DLGAP2: variants seen among roughly 807,000 people sequenced by gnomAD.
The protein encoded by DLGAP2 is DLG associated protein 2.
Under a neutral mutation model 100.3 loss-of-function variants are expected in DLGAP2, and 26 were observed. That is an observed-to-expected ratio of 0.26 (90% confidence interval 0.19 to 0.36). The LOEUF (loss-of-function observed/expected upper bound fraction) is 0.36, where lower values mean the gene tolerates loss of function less well. DLGAP2 is among the 10% of genes least tolerant of loss of function. The pLI is 1.00. For synonymous variants in DLGAP2, 886 were observed against 630.1 expected (o/e 1.41, Z -6.08); for missense variants, 1,858 against 1,453.2 (o/e 1.28, Z -4.53).
chr8:1,144,316 G>A (rs76572505), intron 2 of DLGAP2, among the ~76,000 whole-genome samples: 1 of 152,208 alleles, frequency 6.6e-6, no homozygotes, highest in Admixed American at 6.5e-5. Flanking sequence ...CAAATCAGGA[G>A]GTAAAATTAC....
At chr8:1,303,052 CCA>C (rs1336098947) in intron 3 of DLGAP2, among the ~76,000 whole-genome samples, 2 of 152,172 alleles carry the variant, frequency 1.3e-5, no homozygotes, top group African/African-American at 4.8e-5. Context: ...TTCCTGGACT[CCA>C]CCTCGCAGGG....
rs188911669 is a variant in DLGAP2 at position 1,190,888 on chromosome 8, T to C, written c.74-67963T>C. On this transcript the variant is annotated intron_variant, in intron 2 of 14. Coordinates refer to ENST00000637795, the MANE Select transcript of DLGAP2 (RefSeq NM_001346810.2). ...AAGCGTGGGGTCTGTGGCCGTTCAG[T>C]GCACGGGGCGTGTTTATGCACCATG... Among the ~76,000 whole-genome samples, 55 of 152,214 alleles carry C rather than the reference T, an allele frequency of 3.6e-4. No individual in the cohort carries two copies. The East Asian group carries it at 1.0e-2, about 28-fold the overall frequency.
intron 2 of DLGAP2, among the ~76,000 whole-genome samples, chr8:1,089,211 C>T (rs1386520566): frequency 6.6e-6 from 1 of 152,236 alleles, no homozygotes; most frequent in African/African-American, 2.4e-5. Context: ...ATTGCTCTGG[C>T]CATAGTAGCT....
At chr8:1,676,063 T>C (rs1442619741) in intron 10 of DLGAP2, among the ~76,000 whole-genome samples, 1 of 152,228 alleles carries the variant, frequency 6.6e-6, no homozygotes, top group African/African-American at 2.4e-5. Flanking sequence ...AGTTTGCCTC[T>C]GTTTCTGATC....
chr8:1,536,863 GC>G (rs1201673444), intron 4 of DLGAP2, among the ~76,000 whole-genome samples: 1 of 152,100 alleles, frequency 6.6e-6, no homozygotes, highest in Non-Finnish European at 1.5e-5. Flanking sequence ...CGCTGGCCAG[GC>G]CCAGGAGGCG....
chr8:1,306,229 A>G (rs1032673135), intron 3 of DLGAP2, among the ~76,000 whole-genome samples: 10 of 152,162 alleles, frequency 6.6e-5, no homozygotes, highest in Non-Finnish European at 1.3e-4. Flanking sequence ...GGTATAAAAA[A>G]GGATTCAGCA....
chr8:1,468,590 C>T (rs1255896741), intron 3 of DLGAP2, among the ~76,000 whole-genome samples: 1 of 152,350 alleles, frequency 6.6e-6, no homozygotes, highest in Non-Finnish European at 1.5e-5. Flanking sequence ...GTCAGGACCC[C>T]GGCATCCCTC....
intron 2 of DLGAP2, among the ~76,000 whole-genome samples, chr8:1,138,880 T>C (rs1408660712): frequency 6.6e-6 from 1 of 151,966 alleles, no homozygotes; most frequent in Non-Finnish European, 1.5e-5. Context: ...TTACTAGTCC[T>C]GGCCTGTGCG....
intron 3 of DLGAP2, among the ~76,000 whole-genome samples, chr8:1,439,251 C>G (rs972612576): frequency 2.6e-5 from 4 of 152,142 alleles, no homozygotes; most frequent in Non-Finnish European, 4.4e-5. Flanking sequence ...CTGAACAGCA[C>G]GTGGCAGCCG....
Position 844,652 on chromosome 8 carries a change from A to G in DLGAP2, c.19-63260A>G, listed in dbSNP as rs554998844. Reference sequence around the variant, plus strand: ...ACTATGGGGACTCCAAACCACATGGATTAGTTTTGCTTGTATTTCAACCTC... The same window carrying G: ...ACTATGGGGACTCCAAACCACATGGGTTAGTTTTGCTTGTATTTCAACCTC... On this transcript the variant is annotated intron_variant, in intron 1 of 14. Coordinates refer to ENST00000637795, the MANE Select transcript of DLGAP2 (RefSeq NM_001346810.2). Among the ~76,000 whole-genome samples, 69 of 152,324 alleles carry G rather than the reference A, an allele frequency of 4.5e-4. 1 individual carries two copies. In the South Asian group the frequency reaches 5.6e-3, roughly 12 times the overall value.
At chr8:786,271 G>A (rs1179163120) in intron 1 of DLGAP2, among the ~76,000 whole-genome samples, 2 of 152,136 alleles carry the variant, frequency 1.3e-5, no homozygotes, top group East Asian at 3.9e-4. Flanking sequence ...CCTGCAGAGA[G>A]GGTGCAGTTG....
At chr8:832,839 T>C (rs76744920) in intron 1 of DLGAP2, among the ~76,000 whole-genome samples, 1 of 152,142 alleles carries the variant, frequency 6.6e-6, no homozygotes, top group Non-Finnish European at 1.5e-5. Context: ...GCGAAGACAC[T>C]GTGGGATCAA....
At chr8:1,223,684 C>T (rs948189620) in intron 2 of DLGAP2, among the ~76,000 whole-genome samples, 18 of 152,278 alleles carry the variant, frequency 1.2e-4, no homozygotes, top group African/African-American at 4.1e-4. Flanking sequence ...AAGAGCAAGA[C>T]TTGTCTGCCA....
chr8:955,564 G>T (rs1584921580), intron 2 of DLGAP2, among the ~76,000 whole-genome samples: 1 of 152,110 alleles, frequency 6.6e-6, no homozygotes, highest in African/African-American at 2.4e-5. Context: ...GCCTTAACAG[G>T]GTTGCTGCAC....
At chr8:1,288,556 G>GGT (rs1563063052) in intron 3 of DLGAP2, among the ~76,000 whole-genome samples, 2 of 50,320 alleles carry the variant, frequency 4.0e-5, no homozygotes, top group African/African-American at 1.6e-4. Context: ...GTGTGTGTGT[G>GGT]TGTGGTTAGG....
At chr8:1,054,917 T>A (rs1585018295) in intron 2 of DLGAP2, among the ~76,000 whole-genome samples, 1 of 152,318 alleles carries the variant, frequency 6.6e-6, no homozygotes, top group East Asian at 1.9e-4. Context: ...TAGAACAAAA[T>A]AATAACAGCC....
chr8:1,072,547 C>CACCT (rs1267113387), intron 2 of DLGAP2, among the ~76,000 whole-genome samples: 2 of 152,168 alleles, frequency 1.3e-5, no homozygotes, highest in African/African-American at 2.4e-5. Flanking sequence ...GTAGTGCAGG[C>CACCT]ACCTGGCAGG....
At chr8:1,504,467 C>T (rs545947059) in intron 4 of DLGAP2, among the ~76,000 whole-genome samples, 1 of 152,100 alleles carries the variant, frequency 6.6e-6, no homozygotes, top group Non-Finnish European at 1.5e-5. Context: ...TTAACTGTGG[C>T]CACCACGTGG....
chr8:1,102,563 A>G (rs969199958), intron 2 of DLGAP2, among the ~76,000 whole-genome samples: 2 of 151,478 alleles, frequency 1.3e-5, no homozygotes, highest in Admixed American at 1.3e-4. Context: ...TAATGTGTAG[A>G]CATGGTCTCC....
Sources: allele counts gnomAD v4.1 joint callset (sites outside exome capture counted in the v4.1 genomes callset), GRCh38; gene constraint gnomAD v4.1.1; transcripts MANE v1.5; gene names NCBI Gene and HGNC (gene_info 2026-07-23, HGNC 2026-07-21).